ATXN3: variants seen among roughly 807,000 people sequenced by gnomAD.
The protein encoded by ATXN3 is ataxin-3.
In ATXN3, 28 loss-of-function variants were observed where a neutral mutation model predicts 58.2. The observed-to-expected ratio is 0.48, with a 90% CI of 0.36 to 0.66. The LOEUF is 0.66. Ranked by LOEUF, ATXN3 falls within the 30% of genes least tolerant of loss-of-function variation. The pLI, the probability that ATXN3 is intolerant of heterozygous loss-of-function variation, is 0.00. For missense variants in ATXN3, 321 were observed against 422.1 expected (o/e 0.76, Z 2.10); for synonymous variants, 113 against 138.5 (o/e 0.82, Z 1.29).
intron 9 of ATXN3, among the ~76,000 whole-genome samples, chr14:92,075,219 C>T (rs1444730289): frequency 1.5e-5 from 2 of 131,166 alleles, no homozygotes; most frequent in East Asian, 2.3e-4. Context: ...GGCTGTAGTG[C>T]AATGGCACAA....
At chr14:92,056,042 T>G, downstream of ATXN3, among the ~76,000 whole-genome samples, 1 of 152,214 alleles carries the variant, frequency 6.6e-6, no homozygotes, top group South Asian at 2.1e-4. Context: ...TGTGCAGAAT[T>G]CAAACACAGC....
intron 6 of ATXN3, 67 bp from the exon 7 acceptor site, chr14:92,083,325 TAG>T: frequency 6.9e-7 from 1 of 1,453,128 alleles, no homozygotes; most frequent in Non-Finnish European, 9.3e-7. Context: ...TGTAAAACAC[TAG>T]TAGATAAAAA....
rs1374447123 is a variant in ATXN3 at position 92,061,304 on chromosome 14, C to T, written c.*3016G>A. ...TTCTGTGAATTGTAAATTATTTGGCCAAGATCCTAGTATAGAGTTTACCTG... is the reference window on the plus strand; with the variant it reads ...TTCTGTGAATTGTAAATTATTTGGCTAAGATCCTAGTATAGAGTTTACCTG... On this transcript the variant is annotated 3_prime_UTR_variant, in exon 11 of 11. Coordinates refer to ENST00000644486, the MANE Select transcript of ATXN3 (RefSeq NM_004993.6). 1 of 151,406 alleles carries T rather than the reference C, an allele frequency of 6.6e-6. No individual in the cohort carries two copies. Among genetic ancestry groups the T allele is most frequent in the Non-Finnish European group, 1.5e-5 (1 of 67,938 alleles). 9.4% of individuals were successfully genotyped at this position (151,406 alleles called of 1,614,324 possible). A position where few individuals can be genotyped will look rare whatever the true frequency, so the allele number is the denominator to read the frequency against.
At chr14:92,097,023 T>A (rs1465934169) in intron 1 of ATXN3, 185 bp from the exon 2 acceptor site, 32 of 517,678 alleles carry the variant, frequency 6.2e-5, no homozygotes, top group Non-Finnish European at 1.0e-4. Flanking sequence ...TTCTCCTGCC[T>A]CAGCCTCCCG....
intron 6 of ATXN3, among the ~76,000 whole-genome samples, chr14:92,085,650 A>G (rs2062304629): frequency 6.6e-6 from 1 of 152,224 alleles, no homozygotes; most frequent in African/African-American, 2.4e-5. Context: ...ATGGAAATGG[A>G]AAACCTGATG....
chr14:92,091,870 T>A (rs2141019522), intron 5 of ATXN3, among the ~76,000 whole-genome samples: 1 of 151,932 alleles, frequency 6.6e-6, no homozygotes, highest in Admixed American at 6.6e-5. Context: ...TTCTTTCATT[T>A]TTTTTTTAGA....
rs565895221 is a variant in ATXN3, at chr14:92,094,033, T to G, written c.235-202A>C. On this transcript the variant is annotated intron_variant, in intron 3 of 10. Transcript: ENST00000644486. ...ATCTCGGCTCGCTGCAACCTCCGCC[T>G]CCCAGGTTCAAGCGATTCTCCTCCT... Among the ~76,000 whole-genome samples, 451 of 148,802 alleles carry G rather than the reference T, an allele frequency of 3.0e-3. 6 individuals are homozygous for G. Among genetic ancestry groups the G allele is most frequent in the African/African-American group, 0.011 (434 of 40,268 alleles).
chr14:92,048,631 C>T (rs1467198862), intron 1 of ATXN3, among the ~76,000 whole-genome samples: 1 of 152,200 alleles, frequency 6.6e-6, no homozygotes, highest in African/African-American at 2.4e-5. Flanking sequence ...ATGCCTTCAG[C>T]TCCAGCCACC....
chr14:92,085,314 G>A (rs867420995), intron 6 of ATXN3, among the ~76,000 whole-genome samples: 4 of 151,926 alleles, frequency 2.6e-5, no homozygotes, highest in Non-Finnish European at 4.4e-5. Context: ...AGCCTCCCGA[G>A]TAGCTGGGAC....
At chr14:92,104,735 C>A (rs2067791010) in intron 1 of ATXN3, among the ~76,000 whole-genome samples, 1 of 151,636 alleles carries the variant, frequency 6.6e-6, no homozygotes, top group Non-Finnish European at 1.5e-5. Context: ...CCAGCCTGGC[C>A]AACATGGTGA....
intron 9 of ATXN3, among the ~76,000 whole-genome samples, chr14:92,077,978 C>CTT (rs112851203): frequency 2.1e-4 from 30 of 140,292 alleles, no homozygotes; most frequent in African/African-American, 3.2e-4. Flanking sequence ...TTTCTTTTCT[C>CTT]TTTTTTTTTT....
intron 1 of ATXN3, among the ~76,000 whole-genome samples, chr14:92,101,656 G>A (rs868836151): frequency 2.0e-4 from 30 of 152,180 alleles, no homozygotes; most frequent in Middle Eastern, 3.4e-3. Context: ...TCAGGAGTTC[G>A]AGACCAGCCT....
rs772892274 is a variant in ATXN3, at chr14:92,096,749, A to C, written c.114T>G (p.His38Gln). ...FSPVELSSIA[H>Q]QLDEEERMRM... ...TCATCCTCTCCTCCTCATCCAGCTGATGTGCAATTGAGGATAATTCCACAG... is the reference window on the plus strand; with the variant it reads ...TCATCCTCTCCTCCTCATCCAGCTGCTGTGCAATTGAGGATAATTCCACAG... Residue 38 changes from histidine to glutamine, a missense_variant, in exon 2 of 11, where the codon CAT (histidine) becomes CAG (glutamine). His to Gln is a conservative substitution (Grantham distance 24). Transcript: ENST00000644486. 7 of 1,613,824 alleles carry C rather than the reference A, an allele frequency of 4.3e-6. No individual in the cohort carries two copies. In the South Asian group the frequency reaches 6.6e-5, roughly 15 times the overall value.
intron 5 of ATXN3, 60 bp from the exon 6 acceptor site, chr14:92,088,877 C>A: frequency 1.0e-6 from 1 of 969,124 alleles, no homozygotes; most frequent in Non-Finnish European, 1.6e-6. Context: ...GGAAGTTTCA[C>A]ATGTTAAGAA....
intron 6 of ATXN3, among the ~76,000 whole-genome samples, chr14:92,085,703 T>C (rs1215768249): frequency 6.6e-6 from 1 of 152,224 alleles, no homozygotes; most frequent in African/African-American, 2.4e-5. Context: ...TTCATAGACA[T>C]GTTCAGTTTG....
rs75308098 is a variant in ATXN3 at position 92,077,276 on chromosome 14, A to G, written c.872+3689T>C. Among the ~76,000 whole-genome samples the G allele has an allele frequency of 1.6e-3, 240 of 152,318 alleles. 5 individuals carry two copies. In the East Asian group the frequency reaches 0.04, roughly 25 times the overall value. ...GAAATGAGTACAACACTTACAAGGT[A>G]AGTGTGTATATGTCACAGAAAAAGA... On this transcript the variant is annotated intron_variant, in intron 9 of 10. Coordinates refer to ENST00000644486, the MANE Select transcript of ATXN3 (RefSeq NM_004993.6).
At chr14:92,100,829 G>A (rs1423314570) in intron 1 of ATXN3, among the ~76,000 whole-genome samples, 1 of 152,136 alleles carries the variant, frequency 6.6e-6, no homozygotes, top group Non-Finnish European at 1.5e-5. Flanking sequence ...AAAATTCGCT[G>A]AGCTGTACTC....
chr14:92,095,528 C>T (rs1410234447), intron 3 of ATXN3, among the ~76,000 whole-genome samples: 1 of 151,278 alleles, frequency 6.6e-6, no homozygotes, highest in Non-Finnish European at 1.5e-5. Context: ...CAGGTGTGAG[C>T]CACCGCGCCC....
intron 5 of ATXN3, among the ~76,000 whole-genome samples, chr14:92,089,330 CTCTTTTTTTTT>C (rs2063269503): frequency 1.5e-5 from 2 of 129,596 alleles, no homozygotes; most frequent in Non-Finnish European, 3.2e-5. Flanking sequence ...CTGCTAAATA[CTCTTTTTTTTT>C]TTTTTTTTTT....
Sources: gnomAD v4.1 joint callset for allele counts (sites outside exome capture counted in the v4.1 genomes callset) on GRCh38, gnomAD v4.1.1 for gene constraint, MANE v1.5 for transcripts, NCBI Gene and HGNC (gene_info 2026-07-23, HGNC 2026-07-21) for gene names.